Variants in RXFP2 observed in about 807,000 individuals in gnomAD.
RXFP2 encodes relaxin receptor 2.
A neutral mutation model predicts 88.6 loss-of-function variants in RXFP2; 68 were observed. The observed-to-expected ratio is 0.77, with a 90% CI of 0.63 to 0.94. The LOEUF (loss-of-function observed/expected upper bound fraction) is 0.94, where lower values mean the gene tolerates loss of function less well. RXFP2 is among the 40% of genes least tolerant of loss of function. RXFP2 has a pLI of 0.00. For missense variants in RXFP2, 791 were observed against 893.9 expected (o/e 0.88, Z 1.47); for synonymous variants, 329 against 306.8 (o/e 1.07, Z -0.76).
At chr13:31,774,313 A>C (rs1292995688) in intron 5 of RXFP2, among the ~76,000 whole-genome samples, 2 of 152,224 alleles carry the variant, frequency 1.3e-5, no homozygotes, top group African/African-American at 4.8e-5. Flanking sequence ...AACTCCTGCC[A>C]GTCAGAACAG....
In RXFP2 at chr13:31,781,618, G is replaced by C. The variant is rs1050085721; in HGVS notation, c.786-53G>C. ...TAACCATTTTAAAAAGTATCTCTAA[G>C]CATATGATTTGTACAAAAAATATTA... On this transcript the variant is annotated intron_variant, in intron 9 of 17. Transcript: ENST00000298386. 1.0e-5 allele frequency: 13 copies of C among 1,260,472 alleles called. No homozygotes were observed. In the African/African-American group the frequency reaches 1.9e-4, roughly 19 times the overall value. The allele number at this position is 1,260,472 out of a possible 1,614,324, so 78.1% of individuals were successfully genotyped here.
rs761239765 is a variant in RXFP2 at position 31,739,688 on chromosome 13, G to A, written c.76G>A (p.Val26Ile). Residue 26 changes from valine to isoleucine, a missense_variant, in exon 1 of 18, where the codon GTT becomes ATT. Coordinates refer to ENST00000298386, the MANE Select transcript of RXFP2 (RefSeq NM_130806.5). ...AATGTTCTTTCTACTTCATTTCATC[G>A]TTCTGATCAATGTCAAAGGTAAGGT... ...ITMFFLLHFIVLINVKDFALT... is the reference protein window; with the variant it reads ...ITMFFLLHFIILINVKDFALT... The A allele has an allele frequency of 1.0e-5, 16 of 1,604,862 alleles. No individual in the cohort carries two copies. Among genetic ancestry groups the A allele is most frequent in the South Asian group, 3.3e-5 (3 of 90,880 alleles).
chr13:31,780,408 C>A (rs1394246921), intron 9 of RXFP2, among the ~76,000 whole-genome samples: 3 of 152,272 alleles, frequency 2.0e-5, no homozygotes, highest in Non-Finnish European at 2.9e-5. Flanking sequence ...ACATTTTTTC[C>A]ATTCCATTTC....
At chr13:31,766,849 C>T (rs1440183954) in intron 5 of RXFP2, among the ~76,000 whole-genome samples, 10 of 152,116 alleles carry the variant, frequency 6.6e-5, no homozygotes, top group Non-Finnish European at 8.8e-5. Context: ...TATTCAGGTT[C>T]GTGTATCAGT....
chr13:31,746,762 A>ATATATATTATATACAGC (rs772047922), intron 1 of RXFP2, among the ~76,000 whole-genome samples: 36,782 of 151,844 alleles, frequency 0.24, 4,680 homozygotes, highest in South Asian at 0.41. Flanking sequence ...CCACAGGCTA[A>ATATATATTATATACAGC]AAAATAATAT....
intron 17 of RXFP2, among the ~76,000 whole-genome samples, chr13:31,800,791 G>A (rs1874293495): frequency 6.6e-6 from 1 of 152,022 alleles, no homozygotes; most frequent in South Asian, 2.1e-4. Context: ...AACAGAAAAA[G>A]GCCACTTATT....
intron 1 of RXFP2, among the ~76,000 whole-genome samples, chr13:31,742,311 C>A (rs887724098): frequency 1.3e-5 from 2 of 152,184 alleles, no homozygotes; most frequent in African/African-American, 4.8e-5. Flanking sequence ...TGGCCAGACT[C>A]AAGGCATGCC....
intron 16 of RXFP2, among the ~76,000 whole-genome samples, chr13:31,796,102 T>A: frequency 8.0e-6 from 1 of 124,722 alleles, no homozygotes; most frequent in East Asian, 2.7e-4. Context: ...CAGGCTGGAG[T>A]GCAGTGGCGC....
chr13:31,752,291 A>C (rs1871706233), intron 1 of RXFP2, among the ~76,000 whole-genome samples: 1 of 152,004 alleles, frequency 6.6e-6, no homozygotes, highest in Non-Finnish European at 1.5e-5. Flanking sequence ...CCTCCCCCCC[A>C]AAAAATCTGT....
chr13:31,751,505 G>A (rs779974213), intron 1 of RXFP2, among the ~76,000 whole-genome samples: 26 of 152,042 alleles, frequency 1.7e-4, no homozygotes, highest in Non-Finnish European at 3.4e-4. Flanking sequence ...CACTCAGCAC[G>A]AGCAGTCTAT....
intron 16 of RXFP2, among the ~76,000 whole-genome samples, chr13:31,795,658 T>G (rs1001014871): frequency 9.9e-5 from 15 of 152,240 alleles, no homozygotes; most frequent in Non-Finnish European, 1.9e-4. Flanking sequence ...ACAGATCACC[T>G]TGAATTTAAA....
chr13:31,757,156 C>T (rs898778897), intron 1 of RXFP2, among the ~76,000 whole-genome samples: 20 of 152,210 alleles, frequency 1.3e-4, no homozygotes, highest in Middle Eastern at 3.4e-3. Context: ...TTGGTCTTCT[C>T]TTATGTACCC....
At chr13:31,782,590 C>G in intron 10 of RXFP2, 86 bp from the exon 11 acceptor site, 1 of 975,006 alleles carries the variant, frequency 1.0e-6, no homozygotes, top group Non-Finnish European at 1.7e-6. Context: ...TTATAAAATT[C>G]TGCCTGGATC....
rs1355913336 is a variant in RXFP2, at chr13:31,802,266, A to T, written c.2126A>T (p.His709Leu). The stretch of plus-strand genomic sequence containing the variant: ...AAGTTGAAACAGCTGCTGCACAAAC[A>T]TCAGAGGAAATCAATTTTCAAAATT... ...KDKLKQLLHK[H>L]QRKSIFKIKK... Residue 709 changes from histidine (H) to leucine (L), a missense_variant, in exon 18 of 18, where the codon CAT (histidine) becomes CTT (leucine). His to Leu is a moderately conservative substitution (Grantham distance 99). Transcript: ENST00000298386. 1.2e-6 allele frequency: 2 copies of T among 1,613,958 alleles called. No individual in the cohort carries two copies. Among genetic ancestry groups the T allele is most frequent in the Non-Finnish European group, 1.7e-6 (2 of 1,179,946 alleles).
At position 31,791,855 on chromosome 13, in the gene RXFP2, T is replaced by C. The variant is rs907983561; in HGVS notation, c.1195T>C (p.Cys399Arg). The C allele has an allele frequency of 2.5e-6, 4 of 1,614,164 alleles. No individual in the cohort carries two copies. The highest frequency in any genetic ancestry group is 3.4e-6 in the Non-Finnish European group (4 of 1,179,996). ...CTCCTATGCTCCCCATGTCCGAATA[T>C]GTATGCCCTTGACGGACGGCATTTC... ...YCSYAPHVRI[C>R]MPLTDGISSF... The change falls in exon 15 of 18, where the codon TGT (cysteine) becomes CGT (arginine). Residue 399 changes from cysteine to arginine, a missense_variant. Cys to Arg is a radical substitution (Grantham distance 180). Transcript: ENST00000298386.
intron 1 of RXFP2, among the ~76,000 whole-genome samples, chr13:31,757,797 TA>T (rs1872028025): frequency 1.3e-5 from 2 of 152,214 alleles, no homozygotes; most frequent in South Asian, 4.1e-4. Context: ...TATGGCTGTT[TA>T]AAATGTTATC....
chr13:31,754,669 G>A (rs971327663), intron 1 of RXFP2, among the ~76,000 whole-genome samples: 1 of 152,076 alleles, frequency 6.6e-6, no homozygotes, highest in African/African-American at 2.4e-5. Context: ...ATGCTTAATC[G>A]CTTCTTCTAA....
Position 31,791,988 on chromosome 13 carries a change from T to A in RXFP2, c.1328T>A (p.Ile443Asn), listed in dbSNP as rs756498095. Residue 443 changes from isoleucine to asparagine, a missense_variant, in exon 15 of 18, where the codon ATT becomes AAT. Physicochemically the swap from Ile to Asn is moderately radical, Grantham distance 149. Coordinates refer to ENST00000298386, the MANE Select transcript of RXFP2 (RefSeq NM_130806.5). ...TTTGTCATTGGCATGAGATCTTTCA[T>A]TAAAGCTGAAAATACAACTCACGCT... ...NLFVIGMRSF[I>N]KAENTTHAMS... 1 of 1,614,040 alleles carries A rather than the reference T, an allele frequency of 6.2e-7. No individual in the cohort carries two copies. Among genetic ancestry groups the A allele is most frequent in the Non-Finnish European group, 8.5e-7 (1 of 1,179,990 alleles).
chr13:31,775,467 C>G, intron 7 of RXFP2, 78 bp downstream of exon 7: 1 of 1,035,034 alleles, frequency 9.7e-7, no homozygotes, highest in East Asian at 2.4e-5. Flanking sequence ...GTAGTTTCCA[C>G]TATTTGACAT....
Sources: gnomAD v4.1 joint callset for allele counts (sites outside exome capture counted in the v4.1 genomes callset) on GRCh38, gnomAD v4.1.1 for gene constraint, MANE v1.5 for transcripts, NCBI Gene and HGNC (gene_info 2026-07-23, HGNC 2026-07-21) for gene names.